ABI3BP: variants seen among roughly 807,000 people sequenced by gnomAD.
The protein encoded by ABI3BP is ABI family member 3 binding protein.
ABI3BP carries 216 observed loss-of-function variants against 268.6 expected under a neutral mutation model. That is an observed-to-expected ratio of 0.80 (90% CI 0.72 to 0.90). ABI3BP has a LOEUF of 0.90. ABI3BP is among the 40% of genes least tolerant of loss of function. The pLI, the probability that ABI3BP is intolerant of heterozygous loss-of-function variation, is 0.00. For missense variants in ABI3BP, 2,090 were observed against 2,182.4 expected (o/e 0.96, Z 0.84); for synonymous variants, 730 against 730.0 (o/e 1.00, Z 0.00).
intron 1 of ABI3BP, among the ~76,000 whole-genome samples, chr3:100,984,145 TA>T (rs35472825): frequency 0.56 from 83,879 of 148,722 alleles, 23,858 homozygotes; most frequent in East Asian, 0.88. Flanking sequence ...CCTGAGGAGT[TA>T]AAAAAAAAAA....
chr3:100,973,875 C>T (rs1373243132), intron 1 of ABI3BP, among the ~76,000 whole-genome samples: 1 of 152,132 alleles, frequency 6.6e-6, no homozygotes, highest in Non-Finnish European at 1.5e-5. Context: ...GCAAATGTAG[C>T]CGATTTCCAC....
intron 6 of ABI3BP, among the ~76,000 whole-genome samples, chr3:100,877,058 C>T (rs1200391014): frequency 6.6e-6 from 1 of 152,124 alleles, no homozygotes; most frequent in Non-Finnish European, 1.5e-5. Flanking sequence ...CTTGGTTTCC[C>T]TCATAAATAT....
At chr3:100,760,941 T>G (rs1201063626) in intron 63 of ABI3BP, among the ~76,000 whole-genome samples, 4 of 152,006 alleles carry the variant, frequency 2.6e-5, no homozygotes, top group African/African-American at 9.7e-5. Flanking sequence ...GTAGGTAAAC[T>G]CATGTCACAG....
chr3:100,786,966 G>C (rs1174697257), intron 57 of ABI3BP, among the ~76,000 whole-genome samples: 1 of 151,988 alleles, frequency 6.6e-6, no homozygotes, highest in African/African-American at 2.4e-5. Flanking sequence ...TTTCATTAGA[G>C]AACCGTCATG....
intron 16 of ABI3BP, 24 bp downstream of exon 16, chr3:100,850,635 AT>A (rs2098827453): frequency 6.4e-7 from 1 of 1,564,492 alleles, no homozygotes; most frequent in Non-Finnish European, 8.8e-7. Context: ...AAAATAAAGT[AT>A]GATTTTTCTG....
chr3:100,944,564 A>G (rs1333943705), intron 1 of ABI3BP, among the ~76,000 whole-genome samples: 1 of 152,208 alleles, frequency 6.6e-6, no homozygotes, highest in Non-Finnish European at 1.5e-5. Context: ...AAATCTTGCC[A>G]TCTTGCAAAA....
intron 1 of ABI3BP, among the ~76,000 whole-genome samples, chr3:100,971,988 C>T (rs913935372): frequency 6.6e-6 from 1 of 152,004 alleles, no homozygotes; most frequent in African/African-American, 2.4e-5. Flanking sequence ...GGTGTGCCTT[C>T]CTAAAAAGGG....
intron 62 of ABI3BP, among the ~76,000 whole-genome samples, chr3:100,766,903 A>C (rs1035237929): frequency 3.3e-5 from 5 of 152,208 alleles, no homozygotes; most frequent in Non-Finnish European, 5.9e-5. Flanking sequence ...TATATTAGGG[A>C]TTTCTGCTGT....
At chr3:100,983,203 T>C (rs2090402337) in intron 1 of ABI3BP, among the ~76,000 whole-genome samples, 1 of 152,250 alleles carries the variant, frequency 6.6e-6, no homozygotes, top group Admixed American at 6.5e-5. Context: ...TAGCAAGGTT[T>C]CATTCACCAC....
At position 100,795,809 on chromosome 3, in the gene ABI3BP, G is replaced by T; in HGVS notation, c.3860C>A (p.Thr1287Lys). ...VTFRFEPPKT[T>K]IAPLETRGIP... ...CAATATGGGAAAACCATTACCTATT[G>T]TTGTCTTTGGTGGCTCAAATCTAAA... Residue 1287 changes from threonine (T) to lysine (K), a missense_variant, in exon 53 of 68, where the codon ACA (threonine) becomes AAA (lysine). Thr to Lys is a moderately conservative substitution (Grantham distance 78). Transcript: ENST00000471714. The T allele has an allele frequency of 7.8e-7, 1 of 1,287,740 alleles. No homozygotes were observed. Among genetic ancestry groups the T allele is most frequent in the Non-Finnish European group, 1.0e-6 (1 of 988,222 alleles). The allele number at this position is 1,287,740 out of a possible 1,614,324, so 79.8% of individuals were successfully genotyped here.
At chr3:100,773,722 T>C (rs1033952385) in intron 61 of ABI3BP, among the ~76,000 whole-genome samples, 1 of 152,308 alleles carries the variant, frequency 6.6e-6, no homozygotes, top group African/African-American at 2.4e-5. Context: ...AAACAAATTA[T>C]TGAATATCCA....
At position 100,781,334 on chromosome 3, in the gene ABI3BP, A is replaced by G. The variant is rs562549641; in HGVS notation, c.4163-1125T>C. Among the ~76,000 whole-genome samples, 270 of 152,300 alleles carry G rather than the reference A, an allele frequency of 1.8e-3. 3 individuals carry two copies. The highest frequency in any genetic ancestry group is 6.2e-3 in the African/African-American group (258 of 41,560). On this transcript the variant is annotated intron_variant, in intron 57 of 67. Transcript: ENST00000471714. ...ATTAATTTATGACATTCAGGGGATG[A>G]ACCTAATATTGCAATCCCACATCCT...
intron 2 of ABI3BP, among the ~76,000 whole-genome samples, chr3:100,919,829 T>C (rs1445915352): frequency 6.6e-6 from 1 of 152,192 alleles, no homozygotes. Context: ...CTTTTCCAGG[T>C]ATATATTTTT....
chr3:100,893,230 G>C (rs1472983958), intron 4 of ABI3BP, among the ~76,000 whole-genome samples: 1 of 152,124 alleles, frequency 6.6e-6, no homozygotes, highest in Non-Finnish European at 1.5e-5. Flanking sequence ...GGGGCTCTTG[G>C]GTCTTCAGCC....
intron 55 of ABI3BP, 70 bp downstream of exon 55, chr3:100,792,621 A>G (rs1389125063): frequency 6.7e-7 from 1 of 1,487,950 alleles, no homozygotes; most frequent in East Asian, 2.3e-5. Context: ...GACATTCTGA[A>G]AGAAAATTTC....
At chr3:100,893,434 A>AATAC (rs2045713253) in intron 4 of ABI3BP, among the ~76,000 whole-genome samples, 1 of 152,150 alleles carries the variant, frequency 6.6e-6, no homozygotes, top group South Asian at 2.1e-4. Context: ...AGGAAACCCT[A>AATAC]ATACAAATGG....
At chr3:100,750,682 G>T in intron 67 of ABI3BP, 72 bp from the exon 68 acceptor site, 2 of 1,058,126 alleles carry the variant, frequency 1.9e-6, no homozygotes, top group Non-Finnish European at 1.4e-6. Flanking sequence ...ATAGATTGAA[G>T]GATGTCGTTG....
At chr3:100,983,061 C>T (rs2090333427) in intron 1 of ABI3BP, among the ~76,000 whole-genome samples, 1 of 152,076 alleles carries the variant, frequency 6.6e-6, no homozygotes, top group Non-Finnish European at 1.5e-5. Flanking sequence ...TCAGGAGGAC[C>T]CTTGGAAAAC....
At chr3:100,936,489 A>G (rs1212769748) in intron 1 of ABI3BP, among the ~76,000 whole-genome samples, 1 of 152,188 alleles carries the variant, frequency 6.6e-6, no homozygotes, top group Non-Finnish European at 1.5e-5. Context: ...TGCTGGCCTC[A>G]TAAAATGAGT....
Sources: allele counts gnomAD v4.1 joint callset (sites outside exome capture counted in the v4.1 genomes callset), GRCh38; gene constraint gnomAD v4.1.1; transcripts MANE v1.5; gene names NCBI Gene and HGNC (gene_info 2026-07-23, HGNC 2026-07-21).